The following CSRNP3 variants were observed in gnomAD, a reference collection of about 807,000 sequenced individuals.
CSRNP3 encodes cysteine/serine-rich nuclear protein 3.
A neutral mutation model predicts 48.0 loss-of-function variants in CSRNP3; 12 were observed. The ratio of observed to expected loss-of-function variants is 0.25; its 90% CI spans 0.16 to 0.41. The LOEUF is 0.41. CSRNP3 is among the 10% of genes least tolerant of loss of function. CSRNP3 has a pLI of 1.00. For missense variants in CSRNP3, 580 were observed against 724.4 expected (o/e 0.80, Z 2.29); for synonymous variants, 263 against 269.7 (o/e 0.98, Z 0.24).
chr2:165,477,509 A>G (rs1334366444), intron 1 of CSRNP3, among the ~76,000 whole-genome samples: 1 of 144,422 alleles, frequency 6.9e-6, no homozygotes, highest in African/African-American at 2.5e-5. Context: ...ATACAAATAT[A>G]TATATATATA....
chr2:165,558,377 A>G (rs906084141), intron 3 of CSRNP3, among the ~76,000 whole-genome samples: 4 of 152,242 alleles, frequency 2.6e-5, no homozygotes, highest in African/African-American at 9.6e-5. Flanking sequence ...AAAGCACAAG[A>G]GCAGTCCACA....
chr2:165,580,864 G>GTT (rs61668829), intron 3 of CSRNP3, among the ~76,000 whole-genome samples: 28 of 148,958 alleles, frequency 1.9e-4, no homozygotes, highest in African/African-American at 3.4e-4. Context: ...TGTGTGTTTT[G>GTT]TTTTTTTTTT....
At chr2:165,565,992 CTG>C (rs1021629470) in intron 3 of CSRNP3, among the ~76,000 whole-genome samples, 2 of 151,884 alleles carry the variant, frequency 1.3e-5, no homozygotes, top group African/African-American at 4.8e-5. Flanking sequence ...TAAAAGTTAA[CTG>C]TGACAGACAG....
intron 3 of CSRNP3, among the ~76,000 whole-genome samples, chr2:165,576,308 A>G (rs1036549075): frequency 7.2e-5 from 11 of 151,990 alleles, no homozygotes; most frequent in Non-Finnish European, 2.9e-5. Flanking sequence ...TTAATTTTAT[A>G]TTTAATTCAG....
At chr2:165,562,700 A>G (rs6708364) in intron 3 of CSRNP3, among the ~76,000 whole-genome samples, 10,201 of 152,232 alleles carry the variant, frequency 0.067, 1,162 homozygotes, top group African/African-American at 0.23. Context: ...AGCATTTCTC[A>G]TGGTAAAGGT....
At chr2:165,676,276 T>C in intron 5 of CSRNP3, 36 bp from the exon 6 acceptor site, 1 of 1,579,010 alleles carries the variant, frequency 6.3e-7, no homozygotes. Flanking sequence ...TACCCTGCCC[T>C]TAATGAGTCT....
At chr2:165,487,514 T>G (rs1362173512) in intron 1 of CSRNP3, among the ~76,000 whole-genome samples, 1 of 145,878 alleles carries the variant, frequency 6.9e-6, no homozygotes, top group East Asian at 2.0e-4. Flanking sequence ...AAAGTTGAAA[T>G]GAAGGAAAAA....
intron 4 of CSRNP3, among the ~76,000 whole-genome samples, chr2:165,637,297 G>T (rs1009554248): frequency 4.6e-5 from 7 of 152,216 alleles, no homozygotes; most frequent in African/African-American, 1.7e-4. Flanking sequence ...CAAGAATGAG[G>T]CTACAACTTA....
chr2:165,642,849 A>G (rs1275681959), intron 4 of CSRNP3, among the ~76,000 whole-genome samples: 1 of 152,244 alleles, frequency 6.6e-6, no homozygotes, highest in Non-Finnish European at 1.5e-5. Context: ...GACGTGAGCC[A>G]CCACGCCCAG....
chr2:165,650,946 CA>C (rs1305317266), intron 4 of CSRNP3, among the ~76,000 whole-genome samples: 1 of 152,218 alleles, frequency 6.6e-6, no homozygotes, highest in African/African-American at 2.4e-5. Context: ...CATAAACTTT[CA>C]ACCTCCATGT....
chr2:165,529,270 G>A (rs907271537), intron 3 of CSRNP3, among the ~76,000 whole-genome samples: 1 of 152,184 alleles, frequency 6.6e-6, no homozygotes, highest in Non-Finnish European at 1.5e-5. Context: ...TGGTTTGGCT[G>A]TGTCTCCACC....
chr2:165,632,715 T>C (rs767848378), intron 4 of CSRNP3, among the ~76,000 whole-genome samples: 5 of 152,222 alleles, frequency 3.3e-5, no homozygotes, highest in Non-Finnish European at 7.3e-5. Flanking sequence ...AGTATTTCTT[T>C]ATGAGACATT....
intron 4 of CSRNP3, among the ~76,000 whole-genome samples, chr2:165,605,576 T>C (rs1685996223): frequency 6.6e-6 from 1 of 152,186 alleles, no homozygotes; most frequent in South Asian, 2.1e-4. Flanking sequence ...ACTATTCTAC[T>C]GTTTACATTC....
chr2:165,686,130 T>C lies in CSRNP3; in HGVS notation c.*6377T>C, dbSNP rs1687626821. On this transcript the variant is annotated 3_prime_UTR_variant, in exon 7 of 7. Coordinates refer to ENST00000651982, the MANE Select transcript of CSRNP3 (RefSeq NM_001172173.2). ...CCAATATTTTTATCTGTCTTGGGATTATCTTAAAAGGTATTTATTAATGAG... is the reference window on the plus strand; with the variant it reads ...CCAATATTTTTATCTGTCTTGGGATCATCTTAAAAGGTATTTATTAATGAG... The C allele has an allele frequency of 6.6e-6, 1 of 152,066 alleles. No homozygotes were observed. Among genetic ancestry groups the C allele is most frequent in the African/African-American group, 2.4e-5 (1 of 41,430 alleles). The allele number at this position is 152,066 out of a possible 1,614,324, so 9.4% of individuals were successfully genotyped here. A position where few individuals can be genotyped will look rare whatever the true frequency, so the allele number is the denominator to read the frequency against.
chr2:165,493,851 A>G (rs1289042292), intron 1 of CSRNP3, among the ~76,000 whole-genome samples: 1 of 152,132 alleles, frequency 6.6e-6, no homozygotes, highest in Non-Finnish European at 1.5e-5. Context: ...GAAGACTAAG[A>G]TGACTATGGT....
intron 3 of CSRNP3, among the ~76,000 whole-genome samples, chr2:165,531,745 C>T (rs1684814059): frequency 6.6e-6 from 1 of 152,066 alleles, no homozygotes; most frequent in Non-Finnish European, 1.5e-5. Context: ...ACAAAAAACC[C>T]TTCAAAAAAT....
intron 4 of CSRNP3, among the ~76,000 whole-genome samples, chr2:165,635,469 C>T (rs1686612255): frequency 6.6e-6 from 1 of 152,142 alleles, no homozygotes; most frequent in Admixed American, 6.5e-5. Context: ...AGACTACAGT[C>T]TCTGGGCTAA....
chr2:165,536,623 A>G (rs1296113215), intron 3 of CSRNP3, among the ~76,000 whole-genome samples: 3 of 151,866 alleles, frequency 2.0e-5, no homozygotes, highest in Non-Finnish European at 2.9e-5. Context: ...AGAGCGTGTA[A>G]TGTTAAGCAT....
chr2:165,596,195 A>T (rs1685808863), intron 4 of CSRNP3, among the ~76,000 whole-genome samples: 1 of 150,614 alleles, frequency 6.6e-6, no homozygotes, highest in East Asian at 2.0e-4. Context: ...GACAAGATAA[A>T]GGGAGGTTTG....
Sources: allele counts gnomAD v4.1 joint callset (sites outside exome capture counted in the v4.1 genomes callset), GRCh38; gene constraint gnomAD v4.1.1; transcripts MANE v1.5; gene names NCBI Gene and HGNC (gene_info 2026-07-23, HGNC 2026-07-21).